The following RARRES1 variants were observed in gnomAD, a reference collection of about 807,000 sequenced individuals.
RARRES1 encodes the protein retinoic acid receptor responder 1, also known as retinoic acid receptor responder protein 1.
In RARRES1, 34 loss-of-function variants were observed where a neutral mutation model predicts 30.6. The observed-to-expected ratio is 1.11, with a 90% CI of 0.84 to 1.48. The LOEUF is 1.48. RARRES1 is among the 40% of genes most tolerant of loss of function. The pLI is 0.00. For synonymous variants in RARRES1, 153 were observed against 155.5 expected (o/e 0.98, Z 0.12); for missense variants, 373 against 386.5 (o/e 0.97, Z 0.29).
chr3:158,697,541 C>T lies in RARRES1; in HGVS notation c.*137G>A, dbSNP rs967283352. Reference sequence around the variant, plus strand: ...GAGAAACAAAAAACCAACATCTTTGCATTTCTGAGTTTTTACTTGTAATCA... The same window carrying T: ...GAGAAACAAAAAACCAACATCTTTGTATTTCTGAGTTTTTACTTGTAATCA... On this transcript the variant is annotated 3_prime_UTR_variant, in exon 6 of 6. Transcript: ENST00000237696. 1.0e-6 allele frequency: 1 copy of T among 953,900 alleles called. No homozygotes were observed. Among genetic ancestry groups the T allele is most frequent in the Non-Finnish European group, 1.5e-6 (1 of 653,986 alleles). 59.1% of individuals were successfully genotyped at this position (953,900 alleles called of 1,614,324 possible). A position where few individuals can be genotyped will look rare whatever the true frequency, so the allele number is the denominator to read the frequency against.
intron 1 of RARRES1, among the ~76,000 whole-genome samples, chr3:158,726,532 C>T (rs1481199176): frequency 1.3e-5 from 2 of 152,202 alleles, no homozygotes; most frequent in East Asian, 1.9e-4. Context: ...ATCAGATGTA[C>T]TTAGTACCTC....
chr3:158,719,694 G>A (rs2108147543), intron 1 of RARRES1, among the ~76,000 whole-genome samples: 1 of 152,132 alleles, frequency 6.6e-6, no homozygotes, highest in East Asian at 1.9e-4. Context: ...ATACCATCAT[G>A]TACTCTTTAG....
At chr3:158,704,974 C>T in intron 3 of RARRES1, 47 bp from the exon 4 acceptor site, 1 of 1,577,094 alleles carries the variant, frequency 6.3e-7, no homozygotes, top group Non-Finnish European at 8.6e-7. Context: ...ATTTTTGAGA[C>T]AAAATCTCAG....
intron 1 of RARRES1, among the ~76,000 whole-genome samples, chr3:158,728,220 A>G (rs972114946): frequency 6.6e-6 from 1 of 152,098 alleles, no homozygotes; most frequent in South Asian, 2.1e-4. Flanking sequence ...TAAAAAAAAA[A>G]AAAACCGGAT....
At chr3:158,714,053 A>G (rs1226325011) in intron 1 of RARRES1, among the ~76,000 whole-genome samples, 194 bp from the exon 2 acceptor site, 2 of 152,042 alleles carry the variant, frequency 1.3e-5, no homozygotes, top group Non-Finnish European at 2.9e-5. Context: ...CTAGTTTGAC[A>G]CCTACTCACA....
rs1726585859 is a variant in RARRES1, at chr3:158,697,571, T to C, written c.*107A>G. 10 of 1,232,552 alleles carry C rather than the reference T, an allele frequency of 8.1e-6. No homozygotes were observed. In the South Asian group the frequency reaches 1.6e-4, roughly 19 times the overall value. 76.4% of individuals were successfully genotyped at this position (1,232,552 alleles called of 1,614,324 possible). Reference sequence around the variant, plus strand: ...CTGAGTTTTTACTTGTAATCATAGGTTTTCCCAAATTATTAGAATGTCTAT... The same window carrying C: ...CTGAGTTTTTACTTGTAATCATAGGCTTTCCCAAATTATTAGAATGTCTAT... On this transcript the variant is annotated 3_prime_UTR_variant, in exon 6 of 6. Transcript: ENST00000237696.
intron 1 of RARRES1, among the ~76,000 whole-genome samples, chr3:158,720,258 G>GTGTGTGTGTGTGTT (rs1302859319): frequency 1.9e-4 from 27 of 143,950 alleles, no homozygotes; most frequent in Non-Finnish European, 3.2e-4. Context: ...GTGTGTGTGT[G>GTGTGTGTGTGTGTT]TGTGTGTATG....
chr3:158,731,009 C>G (rs981000548), intron 1 of RARRES1, among the ~76,000 whole-genome samples: 2 of 151,976 alleles, frequency 1.3e-5, no homozygotes, highest in Non-Finnish European at 2.9e-5. Context: ...TCTCGAACTC[C>G]CGACCTCAGG....
chr3:158,730,103 C>T (rs1453804556), intron 1 of RARRES1, among the ~76,000 whole-genome samples: 4 of 152,048 alleles, frequency 2.6e-5, no homozygotes, highest in African/African-American at 7.2e-5. Flanking sequence ...GGCCAGATCA[C>T]GAGGTCAGGA....
At position 158,723,987 on chromosome 3, in the gene RARRES1, C is replaced by T. The variant is rs1337792980; in HGVS notation, c.276+8153G>A. On this transcript the variant is annotated intron_variant, in intron 1 of 5. Transcript: ENST00000237696. The surrounding 1 kb of genome is among the most constrained non-coding windows in gnomAD (Gnocchi z 4.4). ...GAGACATGATATAATACCTTGCGCC[C>T]TGTAGAAGCTGACCGTCTCGTTTGG... Among the ~76,000 whole-genome samples the T allele has an allele frequency of 6.6e-6, 1 of 152,184 alleles. No homozygotes were observed. Among genetic ancestry groups the T allele is most frequent in the Non-Finnish European group, 1.5e-5 (1 of 68,032 alleles).
rs987097759 is a variant in RARRES1 at position 158,723,321 on chromosome 3, T to G, written c.276+8819A>C. Among the ~76,000 whole-genome samples the G allele has an allele frequency of 6.6e-5, 10 of 152,198 alleles. No individual in the cohort carries two copies. The highest frequency in any genetic ancestry group is 1.2e-4 in the Non-Finnish European group (8 of 68,042). ...CAGGCTATTCCAGTAAAAGCAAACT[T>G]CGTCATTTTATAAGGTTACTTTTAT... On this transcript the variant is annotated intron_variant, in intron 1 of 5. Transcript: ENST00000237696. The surrounding 1 kb of genome is among the most constrained non-coding windows in gnomAD (Gnocchi z 4.4).
Position 158,732,380 on chromosome 3 carries a change from C to G in RARRES1, c.36G>C (p.Trp12Cys), listed in dbSNP as rs147016103. Reference protein sequence around the residue: ...QPRRQRLPAPWSGPRGPRPTA... With the variant: ...QPRRQRLPAPCSGPRGPRPTA... ...TGGGGCGCGGGCCCCTGGGCCCGGACCAGGGAGCAGGCAGCCGTTGCCGGC... is the reference window on the plus strand; with the variant it reads ...TGGGGCGCGGGCCCCTGGGCCCGGAGCAGGGAGCAGGCAGCCGTTGCCGGC... Residue 12 changes from tryptophan (W) to cysteine (C), a missense_variant, in exon 1 of 6, where the codon TGG (tryptophan) becomes TGC (cysteine). By Grantham distance (215) the Trp-to-Cys change is radical. Coordinates refer to ENST00000237696, the MANE Select transcript of RARRES1 (RefSeq NM_206963.2). 0.18 allele frequency: 271,923 copies of G among 1,497,798 alleles called. 26,496 individuals are homozygous for G. Among genetic ancestry groups the G allele is most frequent in the African/African-American group, 0.28 (19,516 of 68,756 alleles). The allele number at this position is 1,497,798 out of a possible 1,614,324, so 92.8% of individuals were successfully genotyped here.
At chr3:158,710,057 C>G (rs1022384035) in intron 3 of RARRES1, among the ~76,000 whole-genome samples, 18 of 152,362 alleles carry the variant, frequency 1.2e-4, no homozygotes, top group African/African-American at 4.1e-4. Context: ...TTTCCAAAGC[C>G]ACTGCCAAAA....
At chr3:158,712,735 G>A (rs1250254638) in intron 2 of RARRES1, among the ~76,000 whole-genome samples, 1 of 152,142 alleles carries the variant, frequency 6.6e-6, no homozygotes, top group Non-Finnish European at 1.5e-5. Context: ...ACATCTCCAT[G>A]GAATCAAAGC....
intron 1 of RARRES1, among the ~76,000 whole-genome samples, chr3:158,717,659 A>C (rs1448759095): frequency 6.6e-6 from 1 of 152,164 alleles, no homozygotes; most frequent in African/African-American, 2.4e-5. Context: ...TTTTGAAAAG[A>C]TCCCTCTAGC....
At chr3:158,709,817 C>T (rs554775255) in intron 3 of RARRES1, among the ~76,000 whole-genome samples, 1 of 152,240 alleles carries the variant, frequency 6.6e-6, no homozygotes, top group African/African-American at 2.4e-5. Context: ...GTCTCAACTG[C>T]TCTCCACACA....
intron 1 of RARRES1, among the ~76,000 whole-genome samples, chr3:158,718,324 G>A (rs895104791): frequency 1.3e-5 from 2 of 152,144 alleles, no homozygotes; most frequent in Non-Finnish European, 2.9e-5. Flanking sequence ...ATGCTTGTGT[G>A]TACAGAATAA....
At chr3:158,714,133 G>A (rs889128564) in intron 1 of RARRES1, among the ~76,000 whole-genome samples, 1 of 152,088 alleles carries the variant, frequency 6.6e-6, no homozygotes, top group African/African-American at 2.4e-5. Context: ...AGCTAAAGGA[G>A]AAAAGAACAG....
intron 2 of RARRES1, among the ~76,000 whole-genome samples, chr3:158,712,346 A>G (rs992530808): frequency 1.3e-5 from 2 of 152,216 alleles, no homozygotes; most frequent in African/African-American, 4.8e-5. Flanking sequence ...AGCCATGATC[A>G]TCGCACTTCC....
Sources: gnomAD v4.1 joint callset for allele counts (sites outside exome capture counted in the v4.1 genomes callset) on GRCh38, gnomAD v4.1.1 for gene constraint, Gnocchi (gnomAD v3.1) non-coding constraint, MANE v1.5 for transcripts, NCBI Gene and HGNC (gene_info 2026-07-23, HGNC 2026-07-21) for gene names.